DCDC2C: variants seen among roughly 807,000 people sequenced by gnomAD.
DCDC2C encodes doublecortin domain-containing protein 2C.
Under a neutral mutation model 45.0 loss-of-function variants are expected in DCDC2C, and 44 were observed. The observed-to-expected ratio is 0.98, with a 90% confidence interval of 0.77 to 1.26. The LOEUF (loss-of-function observed/expected upper bound fraction) is 1.26. DCDC2C is among the 50% of genes most tolerant of loss of function. The pLI, the probability that DCDC2C is intolerant of heterozygous loss-of-function variation, is 0.00. For synonymous variants in DCDC2C, 187 were observed against 178.8 expected, an observed-to-expected ratio of 1.05 and a Z score of -0.37; for missense variants, 447 against 468.9, an observed-to-expected ratio of 0.95 and a Z score of 0.43.
At chr2:3,797,379 C>G (rs1201205278) in intron 10 of DCDC2C, among the ~76,000 whole-genome samples, 3 of 151,772 alleles carry the variant, frequency 2.0e-5, no homozygotes, top group African/African-American at 4.8e-5. Flanking sequence ...TTCAGTTCTG[C>G]TCTGATTTTA....
intron 10 of DCDC2C, among the ~76,000 whole-genome samples, chr2:3,797,381 CT>C (rs1031284110): frequency 1.3e-5 from 2 of 151,786 alleles, no homozygotes; most frequent in Non-Finnish European, 2.9e-5. Flanking sequence ...CAGTTCTGCT[CT>C]GATTTTAGTT....
At chr2:3,773,389 A>G (rs1246814247) in intron 8 of DCDC2C, among the ~76,000 whole-genome samples, 1 of 152,070 alleles carries the variant, frequency 6.6e-6, no homozygotes, top group Non-Finnish European at 1.5e-5. Context: ...CTCCCCCACC[A>G]TCTCCATCAG....
chr2:3,804,973 A>C (rs1324456115), intron 10 of DCDC2C, among the ~76,000 whole-genome samples: 2 of 152,344 alleles, frequency 1.3e-5, no homozygotes, highest in East Asian at 3.9e-4. Flanking sequence ...GATGAATGTG[A>C]ACACTGATGT....
At chr2:3,754,315 C>T (rs1669623570) in intron 5 of DCDC2C, among the ~76,000 whole-genome samples, 1 of 152,168 alleles carries the variant, frequency 6.6e-6, no homozygotes, top group Non-Finnish European at 1.5e-5. Context: ...AAATGGGATG[C>T]CTGCACTTGC....
intron 10 of DCDC2C, among the ~76,000 whole-genome samples, chr2:3,840,806 G>A (rs1054025629): frequency 6.6e-6 from 1 of 152,138 alleles, no homozygotes; most frequent in Non-Finnish European, 1.5e-5. Flanking sequence ...GGCACGGTGC[G>A]GGTGGCCGCT....
chr2:3,725,636 A>T (rs79372720), intron 2 of DCDC2C, among the ~76,000 whole-genome samples: 1 of 82,914 alleles, frequency 1.2e-5, no homozygotes, highest in Admixed American at 1.2e-4. Flanking sequence ...AGTGACGAGG[A>T]TGGCCAGGTG....
chr2:3,805,735 G>A (rs1226842994), intron 10 of DCDC2C, among the ~76,000 whole-genome samples: 1 of 152,224 alleles, frequency 6.6e-6, no homozygotes, highest in Non-Finnish European at 1.5e-5. Context: ...GATGCTGCAT[G>A]CCAAACTGAA....
chr2:3,750,291 T>C (rs1297460935), intron 4 of DCDC2C, among the ~76,000 whole-genome samples: 3 of 152,168 alleles, frequency 2.0e-5, no homozygotes, highest in Non-Finnish European at 4.4e-5. Flanking sequence ...GATGAATATG[T>C]TTTCTTTGAT....
At chr2:3,831,571 A>G (rs1671953139) in intron 10 of DCDC2C, among the ~76,000 whole-genome samples, 1 of 152,260 alleles carries the variant, frequency 6.6e-6, no homozygotes, top group Non-Finnish European at 1.5e-5. Flanking sequence ...CCTTTTGTTG[A>G]TGGAAACATC....
chr2:3,779,639 G>A (rs1011346647), intron 9 of DCDC2C, among the ~76,000 whole-genome samples: 5 of 152,202 alleles, frequency 3.3e-5, no homozygotes, highest in Non-Finnish European at 7.3e-5. Context: ...GCGGCAGTCA[G>A]GGAGCTGTGT....
chr2:3,766,161 G>C (rs986328154), intron 6 of DCDC2C, among the ~76,000 whole-genome samples: 3 of 152,030 alleles, frequency 2.0e-5, no homozygotes, highest in East Asian at 3.9e-4. Flanking sequence ...ACCGTGGGTG[G>C]TTCTCATTTG....
chr2:3,817,742 TG>T (rs1199623218), intron 10 of DCDC2C, among the ~76,000 whole-genome samples: 2 of 152,212 alleles, frequency 1.3e-5, no homozygotes, highest in Admixed American at 1.3e-4. Flanking sequence ...GAAAAAGGGT[TG>T]GGATGAGTTA....
intron 10 of DCDC2C, among the ~76,000 whole-genome samples, chr2:3,793,494 C>G (rs2148192760): frequency 6.6e-6 from 1 of 152,302 alleles, no homozygotes; most frequent in African/African-American, 2.4e-5. Flanking sequence ...GTCCTGCTGT[C>G]CATCAGCAGA....
At chr2:3,752,690 A>G in intron 4 of DCDC2C, 73 bp from the exon 5 acceptor site, 1 of 1,499,708 alleles carries the variant, frequency 6.7e-7, no homozygotes, top group Middle Eastern at 1.7e-4. Flanking sequence ...GTCATAGTGT[A>G]TGCACAAATA....
At chr2:3,736,215 A>G (rs769876339) in intron 3 of DCDC2C, among the ~76,000 whole-genome samples, 7 of 152,196 alleles carry the variant, frequency 4.6e-5, no homozygotes, top group African/African-American at 1.4e-4. Context: ...TAATACCCCA[A>G]TCCAGGAGAA....
At chr2:3,725,036 G>A (rs1397680999) in intron 2 of DCDC2C, among the ~76,000 whole-genome samples, 2 of 152,130 alleles carry the variant, frequency 1.3e-5, no homozygotes, top group Admixed American at 6.5e-5. Flanking sequence ...GATTAGCAGC[G>A]TTAGGTGTGG....
chr2:3,776,115 T>C (rs13000873), intron 8 of DCDC2C, among the ~76,000 whole-genome samples: 51,154 of 152,058 alleles, frequency 0.34, 8,741 homozygotes, highest in South Asian at 0.45. Context: ...GCTGGATCCT[T>C]TCCCGCTCAG....
In DCDC2C at chr2:3,788,164, AT is replaced by A. The variant is rs1194483276; in HGVS notation, c.1065+3071del. Among the ~76,000 whole-genome samples the A allele has an allele frequency of 7.9e-5, 12 of 152,252 alleles. No individual in the cohort carries two copies. The East Asian group carries it at 1.7e-3, about 22-fold the overall frequency. On this transcript the variant is annotated intron_variant, in intron 10 of 10. Transcript: ENST00000399143. ...TATTCAATTTGATTTCTCACTGGCT[AT>A]TTTTTTGACGATAGTGACAAATAGA...
chr2:3,782,221 A>G (rs1670530004), intron 9 of DCDC2C, among the ~76,000 whole-genome samples: 1 of 152,162 alleles, frequency 6.6e-6, no homozygotes, highest in Non-Finnish European at 1.5e-5. Context: ...AAGTATTATG[A>G]TGGGATCCTC....
Sources: allele counts gnomAD v4.1 joint callset (sites outside exome capture counted in the v4.1 genomes callset), GRCh38; gene constraint gnomAD v4.1.1; transcripts MANE v1.5; gene names NCBI Gene and HGNC (gene_info 2026-07-23, HGNC 2026-07-21).